Variants in DHX35 observed in about 807,000 individuals in gnomAD.
DHX35 encodes DEAH-box helicase 35, also known as probable ATP-dependent RNA helicase DHX35.
DHX35 carries 84 observed loss-of-function variants against 99.6 expected under a neutral mutation model. The observed-to-expected ratio is 0.84, with a 90% CI of 0.71 to 1.01. The LOEUF (loss-of-function observed/expected upper bound fraction) is 1.01. Ranked by LOEUF, DHX35 falls within the 50% of genes least tolerant of loss-of-function variation. The pLI is 0.00. For missense variants in DHX35, 852 were observed against 888.5 expected, an observed-to-expected ratio of 0.96 and a Z score of 0.52; for synonymous variants, 331 against 316.2, an observed-to-expected ratio of 1.05 and a Z score of -0.50.
At chr20:38,972,509 T>C (rs2086017778) in intron 2 of DHX35, 50 bp from the exon 3 acceptor site, 1 of 1,182,688 alleles carries the variant, frequency 8.5e-7, no homozygotes, top group African/African-American at 1.5e-5. Flanking sequence ...GTTGTTTAGG[T>C]CTTTTGAGAC....
chr20:38,973,891 C>A (rs549278624), intron 3 of DHX35, among the ~76,000 whole-genome samples: 11 of 152,230 alleles, frequency 7.2e-5, no homozygotes, highest in Non-Finnish European at 1.2e-4. Context: ...GTAATGCTAA[C>A]CCCTGCTAGT....
intron 2 of DHX35, among the ~76,000 whole-genome samples, chr20:38,969,734 C>T (rs185933734): frequency 7.9e-5 from 12 of 152,338 alleles, no homozygotes; most frequent in African/African-American, 2.9e-4. Context: ...TATTAGCGCT[C>T]ACGAAACAGA....
At chr20:38,981,960 A>G (rs1468327620) in intron 3 of DHX35, among the ~76,000 whole-genome samples, 2 of 151,920 alleles carry the variant, frequency 1.3e-5, no homozygotes, top group Non-Finnish European at 2.9e-5. Flanking sequence ...AAAAAAAAAA[A>G]AAAGAAATCA....
At chr20:39,022,484 A>G (rs2145932105) in intron 16 of DHX35, among the ~76,000 whole-genome samples, 1 of 152,308 alleles carries the variant, frequency 6.6e-6, no homozygotes, top group East Asian at 1.9e-4. Flanking sequence ...ATGGAGGCAT[A>G]GAGAGGTTAG....
At chr20:39,038,386 G>A in intron 21 of DHX35, 113 bp from the exon 22 acceptor site, 1 of 1,168,572 alleles carries the variant, frequency 8.6e-7, no homozygotes, top group African/African-American at 1.5e-5. Flanking sequence ...CATTTACTGG[G>A]AAGGTGTGGA....
chr20:39,028,437 G>C lies in DHX35; in HGVS notation c.1821G>C (p.Leu607=). 1.2e-6 allele frequency: 2 copies of C among 1,614,232 alleles called. No homozygotes were observed. Among genetic ancestry groups the C allele is most frequent in the Non-Finnish European group, 1.7e-6 (2 of 1,180,034 alleles). ...ATGTAGGTGACCCGGATCTGGTTCT[G>C]AGGTGCATTGTCTCCGGCTTCTTCG... ...KSSEGDPDLV[L]RCIVSGFFAN... is the part of the protein sequence containing the mutation. The change falls in exon 19 of 22, where the codon CTG becomes CTC. Residue 607 remains leucine (L), a synonymous_variant. Coordinates refer to ENST00000252011, the MANE Select transcript of DHX35 (RefSeq NM_021931.4).
chr20:39,001,097 C>A (rs2086512485), intron 8 of DHX35, among the ~76,000 whole-genome samples: 1 of 152,188 alleles, frequency 6.6e-6, no homozygotes, highest in African/African-American at 2.4e-5. Context: ...TTGGCAGAAA[C>A]TGCCAAGAGA....
intron 1 of DHX35, among the ~76,000 whole-genome samples, chr20:38,966,358 A>G (rs1336236235): frequency 2.0e-5 from 3 of 152,216 alleles, no homozygotes; most frequent in African/African-American, 7.2e-5. Context: ...CTGTTTATCA[A>G]CTGACATAGC....
At chr20:38,980,887 A>G (rs969183535) in intron 3 of DHX35, among the ~76,000 whole-genome samples, 12 of 152,106 alleles carry the variant, frequency 7.9e-5, no homozygotes, top group African/African-American at 2.9e-4. Flanking sequence ...AATCTTTTCT[A>G]GGTTGTGCGA....
At chr20:39,014,748 A>G (rs1018443392) in intron 13 of DHX35, 132 bp from the exon 14 acceptor site, 1 of 1,123,060 alleles carries the variant, frequency 8.9e-7, no homozygotes, top group Non-Finnish European at 1.3e-6. Context: ...GCCAACAGCA[A>G]GAACAGAAAC....
chr20:39,030,635 A>G, intron 19 of DHX35, 69 bp from the exon 20 acceptor site: 1 of 1,431,736 alleles, frequency 7.0e-7, no homozygotes, highest in East Asian at 2.3e-5. Context: ...AATATTAAAA[A>G]TATCTGTGGG....
intron 4 of DHX35, among the ~76,000 whole-genome samples, chr20:38,985,616 C>G (rs1339390313): frequency 6.6e-6 from 1 of 151,980 alleles, no homozygotes; most frequent in African/African-American, 2.4e-5. Flanking sequence ...ATGGGGCTAA[C>G]AGTTTGGAAA....
intron 1 of DHX35, among the ~76,000 whole-genome samples, chr20:38,963,957 C>T (rs2145822385): frequency 1.3e-5 from 2 of 152,310 alleles, no homozygotes; most frequent in East Asian, 3.9e-4. Flanking sequence ...TTGATAGTCA[C>T]TTAAATTCTC....
rs190014098 is a variant in DHX35 at position 39,035,580 on chromosome 20, A to T, written c.2067+1263A>T. ...AAAATTGGGAGATTTCATATTAAACATGAATTTCTGGTTTCTCTTGAAAGA... is the reference window on the plus strand; with the variant it reads ...AAAATTGGGAGATTTCATATTAAACTTGAATTTCTGGTTTCTCTTGAAAGA... On this transcript the variant is annotated intron_variant, in intron 21 of 21. Transcript: ENST00000252011. Among the ~76,000 whole-genome samples, 3 of 152,378 alleles carry T rather than the reference A, an allele frequency of 2.0e-5. No individual in the cohort carries two copies. In the East Asian group the frequency reaches 5.8e-4, roughly 29 times the overall value.
intron 8 of DHX35, among the ~76,000 whole-genome samples, chr20:38,995,635 C>G (rs1205922105): frequency 2.0e-5 from 3 of 152,170 alleles, no homozygotes; most frequent in Non-Finnish European, 4.4e-5. Context: ...TAAACAGCAG[C>G]TCAACTCAAC....
chr20:39,031,157 A>G (rs2087043522), intron 20 of DHX35, among the ~76,000 whole-genome samples: 2 of 151,022 alleles, frequency 1.3e-5, no homozygotes, highest in African/African-American at 2.5e-5. Flanking sequence ...GTGAGATTCC[A>G]TGTCAAAAAA....
At chr20:39,033,721 T>C (rs1304662897) in intron 20 of DHX35, among the ~76,000 whole-genome samples, 2 of 152,252 alleles carry the variant, frequency 1.3e-5, no homozygotes, top group Non-Finnish European at 2.9e-5. Flanking sequence ...AATAAAGGTA[T>C]AATTTATTTA....
intron 4 of DHX35, among the ~76,000 whole-genome samples, chr20:38,985,374 C>CAAAAAA: frequency 1.4e-5 from 1 of 73,964 alleles, no homozygotes; most frequent in Admixed American, 1.4e-4. Flanking sequence ...ACCCTATCTC[C>CAAAAAA]AAAAAAAAAA....
At position 39,006,208 on chromosome 20, in the gene DHX35, C is replaced by T. The variant is rs768246639; in HGVS notation, c.1074C>T (p.Ile358=). The T allele has an allele frequency of 1.7e-5, 27 of 1,613,980 alleles. 1 individual carries two copies. The highest frequency in any genetic ancestry group is 1.0e-4 in the Admixed American group (6 of 59,996). ...CAATCAGCGGCATTGTGTATGTGAT[C>T]GACTGTGGCTTTGTGAAACTCCGAG... ...SITISGIVYV[I]DCGFVKLRAY... is the part of the protein sequence containing the mutation. The change falls in exon 12 of 22, where the codon ATC becomes ATT. Residue 358 remains isoleucine (I), a synonymous_variant. Coordinates refer to ENST00000252011, the MANE Select transcript of DHX35 (RefSeq NM_021931.4).
Sources: gnomAD v4.1 joint callset for allele counts (sites outside exome capture counted in the v4.1 genomes callset) on GRCh38, gnomAD v4.1.1 for gene constraint, MANE v1.5 for transcripts, NCBI Gene and HGNC (gene_info 2026-07-23, HGNC 2026-07-21) for gene names.